Variants in COPZ2 observed in about 807,000 individuals in gnomAD.
COPZ2 encodes coat protein complex I subunit zeta 2.
COPZ2 carries 30 observed loss-of-function variants against 33.2 expected under a neutral mutation model. The ratio of observed to expected loss-of-function variants is 0.90; its 90% CI spans 0.68 to 1.23. The LOEUF (loss-of-function observed/expected upper bound fraction) is 1.23. Among genes scored for constraint, COPZ2 ranks in the 50% most tolerant of loss-of-function variants. The pLI is 0.00. For synonymous variants in COPZ2, 89 were observed against 102.6 expected (o/e 0.87, Z 0.80); for missense variants, 263 against 262.4 (o/e 1.00, Z -0.02).
upstream of COPZ2, among the ~76,000 whole-genome samples, chr17:48,039,895 G>T (rs2037044528): frequency 6.6e-6 from 1 of 152,138 alleles, no homozygotes; most frequent in Non-Finnish European, 1.5e-5. Flanking sequence ...GCCGAGACAG[G>T]CGGATCACGA....
At chr17:48,045,130 G>GT in the COPZ2 span, 11 of 152,098 alleles carry the variant, frequency 7.2e-5, no homozygotes, top group African/African-American at 2.7e-4. Context: ...GCTAATTTTT[G>GT]TATTTTTTTT....
At chr17:48,030,266 G>A (rs935487414) in intron 6 of COPZ2, among the ~76,000 whole-genome samples, 12 of 150,234 alleles carry the variant, frequency 8.0e-5, no homozygotes, top group Admixed American at 2.7e-4. Context: ...CAGCCTGGGC[G>A]ACAGAGTGAG....
At chr17:48,030,524 C>T (rs1246413175) in intron 6 of COPZ2, among the ~76,000 whole-genome samples, 1 of 152,150 alleles carries the variant, frequency 6.6e-6, no homozygotes, top group Non-Finnish European at 1.5e-5. Flanking sequence ...AAGGCAGAAG[C>T]TTTGTTTCTC....
Position 48,036,935 on chromosome 17 carries a change from G to T in COPZ2, c.112-10C>A, listed in dbSNP as rs571221222. The T allele has an allele frequency of 1.9e-5, 31 of 1,612,880 alleles. No homozygotes were observed. The South Asian group carries it at 3.4e-4, about 18-fold the overall frequency. On this transcript the variant is annotated splice_polypyrimidine_tract_variant and intron_variant, in intron 1 of 8. Transcript: ENST00000621465. ...GGGAAGGTTCCTGCAACTGACACCG[G>T]AGAGGAGAGTTCCGTTTGGCCCCTG... is the stretch of plus-strand genomic sequence containing the variant.
intron 4 of COPZ2, 98 bp from the exon 5 acceptor site, chr17:48,032,839 G>C: frequency 4.2e-6 from 4 of 949,376 alleles, no homozygotes; most frequent in Non-Finnish European, 5.0e-6. Context: ...GCAATGGAGA[G>C]TTTCAGAGGC....
chr17:48,042,128 CTTTTTCTT>C (rs984043359), upstream of COPZ2, among the ~76,000 whole-genome samples: 7 of 151,148 alleles, frequency 4.6e-5, no homozygotes, highest in South Asian at 2.1e-4. Context: ...GTTGCTTTTT[CTTTTTCTT>C]TTTTTCTTTT....
At chr17:48,033,113 A>G (rs2036918667) in intron 4 of COPZ2, 98 bp downstream of exon 4, 3 of 836,150 alleles carry the variant, frequency 3.6e-6, no homozygotes, top group East Asian at 2.7e-5. Flanking sequence ...AAGGGGTCCA[A>G]TGGTGAGCCT....
In COPZ2 at chr17:48,037,673, C is replaced by T; in HGVS notation, c.105G>A (p.Gly35=). The T allele has an allele frequency of 1.8e-6, 2 of 1,104,970 alleles. No homozygotes were observed. The highest frequency in any genetic ancestry group is 2.2e-6 in the Non-Finnish European group (2 of 908,294). The allele number at this position is 1,104,970 out of a possible 1,614,324, so 68.4% of individuals were successfully genotyped here. A position where few individuals can be genotyped will look rare whatever the true frequency, so the allele number is the denominator to read the frequency against. The part of the protein sequence containing the change: ...APPARAGEPS[G]LRLQEPSLYT... ...GCGCCCGCCCGCTCCGTACCCGCAGCCCCGAGGGCTCCCCGGCTCGAGCAG... is the reference window on the plus strand; with the variant it reads ...GCGCCCGCCCGCTCCGTACCCGCAGTCCCGAGGGCTCCCCGGCTCGAGCAG... The change falls in exon 1 of 9, where the codon GGG becomes GGA. Residue 35 remains glycine, a synonymous_variant. Transcript: ENST00000621465. The surrounding 1 kb of genome is among the most constrained non-coding windows in gnomAD (Gnocchi z 5.6).
At chr17:48,043,034 A>C in the COPZ2 span, among the ~76,000 whole-genome samples, 1 of 152,252 alleles carries the variant, frequency 6.6e-6, no homozygotes, top group African/African-American at 2.4e-5. Flanking sequence ...TTCCAGTTTA[A>C]GGCTGGCAGC....
At chr17:48,039,436 C>T (rs1402540764), upstream of COPZ2, among the ~76,000 whole-genome samples, 1 of 149,912 alleles carries the variant, frequency 6.7e-6, no homozygotes. Flanking sequence ...TGCCACTGTG[C>T]TCCAGCCTGG....
chr17:48,047,994 C>T, the COPZ2 span: 1 of 152,362 alleles, frequency 6.6e-6, no homozygotes, highest in Non-Finnish European at 1.5e-5. Context: ...ATTCCCCCGC[C>T]ACAGAAAGCG....
intron 6 of COPZ2, 159 bp downstream of exon 6, chr17:48,031,997 C>T: frequency 1.6e-6 from 1 of 645,112 alleles, no homozygotes; most frequent in South Asian, 1.8e-5. Flanking sequence ...GAGTGGGGCG[C>T]TAGTAAGGGG....
At chr17:48,032,045 G>T in intron 6 of COPZ2, 111 bp downstream of exon 6, 1 of 810,228 alleles carries the variant, frequency 1.2e-6, no homozygotes. Flanking sequence ...AATATGCTGG[G>T]GGAAGGGAGT....
upstream of COPZ2, among the ~76,000 whole-genome samples, chr17:48,038,602 C>A (rs1266646414): frequency 2.0e-5 from 3 of 152,216 alleles, no homozygotes; most frequent in Non-Finnish European, 4.4e-5. Context: ...ATAGCCCACA[C>A]CTGTAAGATA....
In COPZ2 at chr17:48,032,214, A is replaced by T. The variant is rs1490210570; in HGVS notation, c.436T>A (p.Trp146Arg). Residue 146 changes from tryptophan (W) to arginine (R), a missense_variant, in exon 6 of 9, where the codon TGG (tryptophan) becomes AGG (arginine). Coordinates refer to ENST00000621465, the MANE Select transcript of COPZ2 (RefSeq NM_016429.4). ...GCTCCGTCCATGTTCTCCAGCAACC[A>T]GCGCTTCTCCACGTTCTTCCTGAAG... ...HMLRKNVEKR[W>R]LLENMDGAFL... 4 of 1,613,168 alleles carry T rather than the reference A, an allele frequency of 2.5e-6. 1 individual carries two copies. In the South Asian group the frequency reaches 4.4e-5, roughly 18 times the overall value.
intron 6 of COPZ2, among the ~76,000 whole-genome samples, chr17:48,031,368 T>C (rs1450217912): frequency 1.3e-5 from 2 of 150,818 alleles, no homozygotes; most frequent in East Asian, 2.0e-4. Context: ...AGGAGAATGG[T>C]GTGAACCCGG....
chr17:48,037,808 C>A, upstream of COPZ2: 1 of 983,672 alleles, frequency 1.0e-6, no homozygotes. This position sits in a 1 kb window ranked among gnomAD's most constrained non-coding sequence, Gnocchi z 5.6. Flanking sequence ...GACAGCGCCG[C>A]CCGCCGCCTG....
the COPZ2 span, chr17:48,046,420 C>T: frequency 6.6e-6 from 1 of 152,248 alleles, no homozygotes; most frequent in African/African-American, 2.4e-5. Context: ...ACCTCAGCCT[C>T]CTGAGTAGTT....
At position 48,026,347 on chromosome 17, in the gene COPZ2, T is replaced by C; in HGVS notation, c.*81A>G. 1 of 1,136,484 alleles carries C rather than the reference T, an allele frequency of 8.8e-7. No homozygotes were observed. 70.4% of individuals were successfully genotyped at this position (1,136,484 alleles called of 1,614,324 possible). A position where few individuals can be genotyped will look rare whatever the true frequency, so the allele number is the denominator to read the frequency against. On this transcript the variant is annotated 3_prime_UTR_variant, in exon 9 of 9. Coordinates refer to ENST00000621465, the MANE Select transcript of COPZ2 (RefSeq NM_016429.4). The stretch of plus-strand genomic sequence containing the variant: ...AGGGACCTGGGGATACAGAGGGGTC[T>C]CTCCTGACCCTGGGATCTTTGGGCT...
Sources: allele counts gnomAD v4.1 joint callset (sites outside exome capture counted in the v4.1 genomes callset), GRCh38; gene constraint gnomAD v4.1.1; non-coding constraint Gnocchi (gnomAD v3.1); transcripts MANE v1.5; gene names NCBI Gene and HGNC (gene_info 2026-07-23, HGNC 2026-07-21).